HCRTR2: variants seen among roughly 807,000 people sequenced by gnomAD.
The protein encoded by HCRTR2 is hypocretin receptor 2, also known as orexin receptor type 2.
A neutral mutation model predicts 49.0 loss-of-function variants in HCRTR2; 22 were observed. That is an observed-to-expected ratio of 0.45 (90% CI 0.32 to 0.64). The LOEUF (loss-of-function observed/expected upper bound fraction) is 0.64. Ranked by LOEUF, HCRTR2 falls within the 30% of genes least tolerant of loss-of-function variation. HCRTR2 has a pLI of 0.04. For synonymous variants in HCRTR2, 236 were observed against 205.3 expected (o/e 1.15, Z -1.28); for missense variants, 491 against 559.4 (o/e 0.88, Z 1.23).
chr6:55,219,091 G>T lies in HCRTR2; in HGVS notation c.224-29548G>T, dbSNP rs181059757. 7.2e-3 allele frequency among the ~76,000 whole-genome samples: 1,095 copies of T among 152,274 alleles called. 8 individuals carry two copies. Among genetic ancestry groups the T allele is most frequent in the South Asian group, 0.015 (72 of 4,826 alleles). On this transcript the variant is annotated intron_variant, in intron 1 of 6. Coordinates refer to ENST00000370862, the MANE Select transcript of HCRTR2 (RefSeq NM_001384272.1). ...TCACCTGGGCCTCCCAAAGTGCTGG[G>T]ATTATAGGCATGAGCCACCGTGCTC...
At chr6:55,167,229 G>C (rs534942646) in intron 1 of HCRTR2, among the ~76,000 whole-genome samples, 3 of 152,098 alleles carry the variant, frequency 2.0e-5, no homozygotes, top group Non-Finnish European at 4.4e-5. Context: ...AGGTGGGATC[G>C]CTTCCACAGT....
chr6:55,270,007 T>C (rs1766941724), intron 4 of HCRTR2, among the ~76,000 whole-genome samples: 1 of 152,150 alleles, frequency 6.6e-6, no homozygotes, highest in African/African-American at 2.4e-5. Context: ...ATTTAGGGAA[T>C]GTCCAGAAAT....
rs137903616 is a variant in HCRTR2, at chr6:55,158,328, C to T, written c.-377-15883C>T. Among the ~76,000 whole-genome samples, 323 of 152,308 alleles carry T rather than the reference C, an allele frequency of 2.1e-3. 6 individuals carry two copies. The highest frequency in any genetic ancestry group is 6.9e-3 in the African/African-American group (286 of 41,570). On this transcript the variant is annotated intron_variant, in intron 1 of 7. Transcript: ENST00000615358. ...CAACCCTCAGGCCAGGAGATTCCCT[C>T]GGGTGCCTACACCACCAGGGCCTTG...
chr6:55,188,362 CTT>C (rs1474794007), intron 1 of HCRTR2, among the ~76,000 whole-genome samples: 1 of 152,158 alleles, frequency 6.6e-6, no homozygotes, highest in Admixed American at 6.5e-5. Flanking sequence ...GATTTTATCT[CTT>C]TGTAAACAGG....
At chr6:55,110,110 C>G (rs1355077241) in intron 1 of HCRTR2, among the ~76,000 whole-genome samples, 2 of 152,014 alleles carry the variant, frequency 1.3e-5, no homozygotes, top group South Asian at 2.1e-4. Context: ...AATTTTGTAT[C>G]CAGTGACTAA....
In HCRTR2 at chr6:55,181,542, A is replaced by G. The variant is rs146435584; in HGVS notation, c.223+6732A>G. On this transcript the variant is annotated intron_variant, in intron 1 of 6. Coordinates refer to ENST00000370862, the MANE Select transcript of HCRTR2 (RefSeq NM_001384272.1). ...TACTAAACACATGAGAACAATGTTT[A>G]ATATTTATATAGTATTTTACTCTTC... is the stretch of plus-strand genomic sequence containing the variant. Among the ~76,000 whole-genome samples the G allele has an allele frequency of 9.0e-3, 1,373 of 152,342 alleles. 8 individuals carry two copies. Among genetic ancestry groups the G allele is most frequent in the Middle Eastern group, 0.014 (4 of 294 alleles).
chr6:55,282,462 A>G lies in HCRTR2; in HGVS notation c.*8A>G, dbSNP rs749316276. 1 of 1,432,152 alleles carries G rather than the reference A, an allele frequency of 7.0e-7. No homozygotes were observed. 88.7% of individuals were successfully genotyped at this position (1,432,152 alleles called of 1,614,324 possible). ...CCACTTCAAAACTGGTAGAATATTT[A>G]TTCATATGACAAGGATACCTGAGTA... On this transcript the variant is annotated 3_prime_UTR_variant, in exon 7 of 7. Coordinates refer to ENST00000370862, the MANE Select transcript of HCRTR2 (RefSeq NM_001384272.1).
rs541375136 is a variant in HCRTR2 at position 55,120,475 on chromosome 6, C to G, written c.-378+13930C>G. ...TCTCGTTGAAGAAGTCCTTCACATC[C>G]CTTGTAATTTGTATTCTTGGGTATT... On this transcript the variant is annotated intron_variant, in intron 1 of 7. Transcript: ENST00000615358. Among the ~76,000 whole-genome samples, 3 of 152,004 alleles carry G rather than the reference C, an allele frequency of 2.0e-5. No individual in the cohort carries two copies. The East Asian group carries it at 5.8e-4, about 29-fold the overall frequency.
intron 4 of HCRTR2, among the ~76,000 whole-genome samples, chr6:55,277,125 C>T (rs1464024637): frequency 3.3e-5 from 5 of 152,152 alleles, no homozygotes; most frequent in Non-Finnish European, 5.9e-5. Context: ...ATCTTTTCCA[C>T]TTGCAGCTTT....
In HCRTR2 at chr6:55,282,554, C is replaced by T. The variant is rs73451642; in HGVS notation, c.*100C>T. On this transcript the variant is annotated 3_prime_UTR_variant, in exon 7 of 7. Transcript: ENST00000370862. The stretch of plus-strand genomic sequence containing the variant: ...ATCCTATGATGTGAAGCTAAAATTA[C>T]TTGTGGATCTTTTTTTTTTTTAATC... 1,134 of 684,246 alleles carry T rather than the reference C, an allele frequency of 1.7e-3. 6 individuals carry two copies. The African/African-American group carries it at 0.017, about 10-fold the overall frequency. The allele number at this position is 684,246 out of a possible 1,614,324, so 42.4% of individuals were successfully genotyped here. A position where few individuals can be genotyped will look rare whatever the true frequency, so the allele number is the denominator to read the frequency against.
At chr6:55,262,534 TATA>T (rs1718820715) in intron 3 of HCRTR2, among the ~76,000 whole-genome samples, 1 of 131,170 alleles carries the variant, frequency 7.6e-6, no homozygotes, top group Non-Finnish European at 1.6e-5. Context: ...ATATAATATA[TATA>T]ATATAATATA....
chr6:55,188,803 C>T (rs1368377122), intron 1 of HCRTR2, among the ~76,000 whole-genome samples: 1 of 152,222 alleles, frequency 6.6e-6, no homozygotes, highest in East Asian at 1.9e-4. Flanking sequence ...TGCTAAGTCT[C>T]AGAACATTGA....
intron 1 of HCRTR2, among the ~76,000 whole-genome samples, chr6:55,116,498 A>G (rs1430213838): frequency 1.3e-5 from 2 of 150,872 alleles, no homozygotes; most frequent in African/African-American, 4.9e-5. Flanking sequence ...AAAAATGGGA[A>G]GAGGAGAAGA....
At chr6:55,159,416 A>AG (rs1194296453) in intron 1 of HCRTR2, among the ~76,000 whole-genome samples, 1 of 152,122 alleles carries the variant, frequency 6.6e-6, no homozygotes, top group Non-Finnish European at 1.5e-5. Flanking sequence ...ATTCCAAAAA[A>AG]CAGAATACCT....
chr6:55,280,773 C>G (rs1039456358), intron 6 of HCRTR2, among the ~76,000 whole-genome samples: 7 of 152,098 alleles, frequency 4.6e-5, no homozygotes, highest in African/African-American at 1.7e-4. Context: ...TTCTGTTTTG[C>G]CTTGCTATAT....
intron 1 of HCRTR2, among the ~76,000 whole-genome samples, chr6:55,120,038 C>T (rs1581781594): frequency 6.6e-6 from 1 of 152,114 alleles, no homozygotes; most frequent in African/African-American, 2.4e-5. Context: ...ATATTCTCCC[C>T]ATTGCTTGTT....
intron 2 of HCRTR2, among the ~76,000 whole-genome samples, chr6:55,253,033 G>C (rs536371053): frequency 5.9e-5 from 9 of 152,092 alleles, no homozygotes; most frequent in Non-Finnish European, 1.3e-4. Flanking sequence ...GAATGGAGAG[G>C]TTAAATAATC....
chr6:55,183,998 G>T (rs933993927), intron 1 of HCRTR2, among the ~76,000 whole-genome samples: 3 of 152,004 alleles, frequency 2.0e-5, no homozygotes, highest in African/African-American at 7.2e-5. Context: ...CGCCATTTCA[G>T]CTCACTGCAA....
Position 55,282,158 on chromosome 6 carries a change from C to A in HCRTR2, c.1106-67C>A, listed in dbSNP as rs1228680440. On this transcript the variant is annotated intron_variant, in intron 6 of 6. Coordinates refer to ENST00000370862, the MANE Select transcript of HCRTR2 (RefSeq NM_001384272.1). ...GGCTCAAGGGAGCAACTCAGTTGTA[C>A]CCTATTCATAATTTGTTGAAGCATT... 6.1e-6 allele frequency: 7 copies of A among 1,140,654 alleles called. No individual in the cohort carries two copies. In the East Asian group the frequency reaches 1.7e-4, roughly 28 times the overall value. 70.7% of individuals were successfully genotyped at this position (1,140,654 alleles called of 1,614,324 possible).
Sources: allele counts gnomAD v4.1 joint callset (sites outside exome capture counted in the v4.1 genomes callset), GRCh38; gene constraint gnomAD v4.1.1; transcripts MANE v1.5; gene names NCBI Gene and HGNC (gene_info 2026-07-23, HGNC 2026-07-21).